FOXJ3: variants seen among roughly 807,000 people sequenced by gnomAD.
FOXJ3 encodes forkhead box J3.
In FOXJ3, 22 loss-of-function variants were observed where a neutral mutation model predicts 76.1. That is an observed-to-expected ratio of 0.29 (90% CI 0.21 to 0.41). FOXJ3 has a LOEUF of 0.41. Among genes scored for constraint, FOXJ3 ranks in the 10% least tolerant of loss-of-function variants. The pLI is 1.00. For missense variants in FOXJ3, 613 were observed against 762.1 expected (o/e 0.80, Z 2.30); for synonymous variants, 269 against 261.2 (o/e 1.03, Z -0.29).
chr1:42,212,489 A>G (rs377124676), intron 5 of FOXJ3, among the ~76,000 whole-genome samples: 23 of 152,298 alleles, frequency 1.5e-4, no homozygotes, highest in African/African-American at 5.5e-4. Context: ...ATAATTTCAG[A>G]GGTCGAAGAC....
chr1:42,295,858 T>A (rs750760009), intron 2 of FOXJ3, among the ~76,000 whole-genome samples: 13 of 152,138 alleles, frequency 8.5e-5, no homozygotes, highest in Admixed American at 5.9e-4. Context: ...ATTTATTTTA[T>A]TTTGGGCAGA....
At chr1:42,310,150 T>G (rs565481490) in intron 2 of FOXJ3, among the ~76,000 whole-genome samples, 1 of 139,252 alleles carries the variant, frequency 7.2e-6, no homozygotes, top group Non-Finnish European at 1.6e-5. Context: ...CAGGTTTAGG[T>G]TTTTTTTTTT....
At chr1:42,258,198 A>G (rs1650755983) in intron 4 of FOXJ3, among the ~76,000 whole-genome samples, 1 of 152,188 alleles carries the variant, frequency 6.6e-6, no homozygotes, top group South Asian at 2.1e-4. Context: ...TTGGCTTTAT[A>G]CCATGCCTTC....
At chr1:42,305,537 C>A (rs747473868) in intron 2 of FOXJ3, among the ~76,000 whole-genome samples, 1 of 152,098 alleles carries the variant, frequency 6.6e-6, no homozygotes, top group Non-Finnish European at 1.5e-5. Context: ...AAATGTGGTA[C>A]ATATATACAC....
intron 6 of FOXJ3, among the ~76,000 whole-genome samples, chr1:42,200,470 C>T (rs1006657675): frequency 5.3e-5 from 8 of 151,880 alleles, no homozygotes; most frequent in South Asian, 2.1e-4. Flanking sequence ...TCCTTTTCTT[C>T]AATATTTTCT....
intron 2 of FOXJ3, among the ~76,000 whole-genome samples, chr1:42,288,517 C>T (rs569335503): frequency 3.9e-5 from 6 of 152,186 alleles, no homozygotes; most frequent in South Asian, 4.1e-4. Flanking sequence ...AGGGCTAACA[C>T]GGTGGAAAGT....
At chr1:42,188,234 G>C (rs534635871) in intron 11 of FOXJ3, among the ~76,000 whole-genome samples, 24 of 152,104 alleles carry the variant, frequency 1.6e-4, no homozygotes, top group African/African-American at 5.8e-4. Context: ...AATGAAGGAA[G>C]AAAGCGAGAT....
chr1:42,221,078 C>T (rs751381311), intron 5 of FOXJ3, among the ~76,000 whole-genome samples: 1 of 152,130 alleles, frequency 6.6e-6, no homozygotes, highest in Non-Finnish European at 1.5e-5. Context: ...CATTAATTTA[C>T]GTATTTTTAA....
chr1:42,313,299 T>G (rs1253562569), intron 1 of FOXJ3, among the ~76,000 whole-genome samples: 2 of 149,140 alleles, frequency 1.3e-5, no homozygotes, highest in African/African-American at 5.0e-5. Context: ...ATCACACCAC[T>G]GCACTCCAGC....
chr1:42,208,399 A>T (rs1277489759), intron 5 of FOXJ3, among the ~76,000 whole-genome samples: 1 of 152,248 alleles, frequency 6.6e-6, no homozygotes, highest in Non-Finnish European at 1.5e-5. Flanking sequence ...GCATTAATAA[A>T]TGTGATTCAC....
At chr1:42,271,787 C>A (rs1651884557) in intron 3 of FOXJ3, among the ~76,000 whole-genome samples, 1 of 151,770 alleles carries the variant, frequency 6.6e-6, no homozygotes, top group South Asian at 2.1e-4. Flanking sequence ...TAGCTGGGAC[C>A]ACAGGGACAC....
chr1:42,197,353 A>G (rs546374190), intron 7 of FOXJ3, among the ~76,000 whole-genome samples: 173 of 152,192 alleles, frequency 1.1e-3, no homozygotes, highest in Non-Finnish European at 3.5e-4. Context: ...AAAAGAGAGA[A>G]AAAAAGGGGG....
intron 5 of FOXJ3, among the ~76,000 whole-genome samples, chr1:42,213,827 T>C (rs1647014636): frequency 6.6e-6 from 1 of 152,176 alleles, no homozygotes; most frequent in South Asian, 2.1e-4. Flanking sequence ...GAGACACTGG[T>C]CAATGGGTAC....
At chr1:42,195,192 CTTTCCCATCCT>C in intron 7 of FOXJ3, 128 bp from the exon 8 acceptor site, 2 of 629,558 alleles carry the variant, frequency 3.2e-6, no homozygotes, top group Non-Finnish European at 5.1e-6. Flanking sequence ...CTGTCTTAGG[CTTTCCCATCCT>C]CTGTTAAAGC....
intron 2 of FOXJ3, among the ~76,000 whole-genome samples, chr1:42,299,628 C>T (rs2124728330): frequency 6.6e-6 from 1 of 151,006 alleles, no homozygotes; most frequent in East Asian, 2.0e-4. Context: ...TGATATGTGG[C>T]TGGGTGTGGT....
intron 1 of FOXJ3, among the ~76,000 whole-genome samples, chr1:42,319,990 C>A (rs1244530701): frequency 2.0e-5 from 3 of 152,158 alleles, no homozygotes. Context: ...AAGTTTCATA[C>A]ACCTGAAAAA....
intron 5 of FOXJ3, among the ~76,000 whole-genome samples, chr1:42,218,969 C>CATTT (rs2124406685): frequency 6.6e-6 from 1 of 152,320 alleles, no homozygotes; most frequent in South Asian, 2.1e-4. Context: ...AATCCACTTA[C>CATTT]ATTTATATAA....
chr1:42,256,523 A>C (rs1165987220), intron 4 of FOXJ3, among the ~76,000 whole-genome samples: 3 of 70,900 alleles, frequency 4.2e-5, no homozygotes, highest in Admixed American at 1.9e-4. Flanking sequence ...ACCATGATGA[A>C]ATACCACTTC....
intron 4 of FOXJ3, among the ~76,000 whole-genome samples, chr1:42,246,228 T>C (rs956238056): frequency 1.5e-4 from 23 of 152,144 alleles, no homozygotes; most frequent in African/African-American, 5.3e-4. Flanking sequence ...AGACAATCTG[T>C]TGGGTAGCAG....
Sources: allele counts gnomAD v4.1 joint callset (sites outside exome capture counted in the v4.1 genomes callset), GRCh38; gene constraint gnomAD v4.1.1; transcripts MANE v1.5; gene names NCBI Gene and HGNC (gene_info 2026-07-23, HGNC 2026-07-21).